CDH23: variants seen among roughly 807,000 people sequenced by gnomAD.
CDH23 encodes cadherin related 23.
CDH23 carries 189 observed loss-of-function variants against 317.1 expected under a neutral mutation model. The observed-to-expected ratio is 0.60, with a 90% CI of 0.53 to 0.67. CDH23 has a LOEUF of 0.67. Ranked by LOEUF, CDH23 falls within the 30% of genes least tolerant of loss-of-function variation. The probability of loss-of-function intolerance (pLI) is 0.00; values close to 1 mark genes in which losing one functional copy is unlikely to be tolerated. For synonymous variants in CDH23, 1,839 were observed against 1,876.8 expected (o/e 0.98, Z 0.52); for missense variants, 4,401 against 4,592.4 (o/e 0.96, Z 1.20).
chr10:71,639,271 A>G (rs1307502080), intron 11 of CDH23, among the ~76,000 whole-genome samples: 3 of 152,066 alleles, frequency 2.0e-5, no homozygotes, highest in African/African-American at 7.2e-5. Context: ...CCTTCCAACA[A>G]AATCGCCCCT....
At chr10:71,434,544 C>T (rs1849535293) in intron 1 of CDH23, among the ~76,000 whole-genome samples, 1 of 152,072 alleles carries the variant, frequency 6.6e-6, no homozygotes, top group Admixed American at 6.6e-5. Flanking sequence ...AGGGGTGATT[C>T]CTATGTGGGT....
intron 11 of CDH23, chr10:71,622,991 G>A: frequency 1.0e-6 from 1 of 981,970 alleles, no homozygotes; most frequent in Non-Finnish European, 1.2e-6. Flanking sequence ...GCAGGTTGGG[G>A]GTTAGTTATT....
intron 8 of CDH23, among the ~76,000 whole-genome samples, chr10:71,573,488 C>A (rs537391421): frequency 6.6e-6 from 1 of 152,338 alleles, no homozygotes; most frequent in Non-Finnish European, 1.5e-5. Flanking sequence ...CTCTGCTCTA[C>A]AGGTGATCCC....
chr10:71,570,984 T>C (rs1326912525), intron 8 of CDH23, 66 bp downstream of exon 8: 74 of 1,578,052 alleles, frequency 4.7e-5, no homozygotes, highest in Non-Finnish European at 6.2e-5. Flanking sequence ...GAGCTCCTGT[T>C]AGGGATGGGC....
chr10:71,716,502 C>T (rs1866249206), intron 28 of CDH23: 2 of 580,334 alleles, frequency 3.4e-6, no homozygotes, highest in Non-Finnish European at 6.0e-6. Flanking sequence ...GGTCCAGAGA[C>T]ATCACAAGTC....
intron 30 of CDH23, among the ~76,000 whole-genome samples, chr10:71,729,059 G>T (rs957282982): frequency 6.6e-5 from 10 of 151,976 alleles, no homozygotes; most frequent in Non-Finnish European, 1.0e-4. Flanking sequence ...GGTCTCGAAT[G>T]CCTGGGCTCA....
intron 11 of CDH23, among the ~76,000 whole-genome samples, chr10:71,641,398 C>T (rs955624188): frequency 2.0e-4 from 30 of 152,194 alleles, no homozygotes; most frequent in African/African-American, 7.2e-4. Flanking sequence ...CTGCAGAGCT[C>T]AGAGTGGCTC....
intron 21 of CDH23, 117 bp from the exon 22 acceptor site, chr10:71,695,301 G>A (rs1445661929): frequency 2.7e-6 from 2 of 754,600 alleles, no homozygotes; most frequent in East Asian, 5.3e-5. Context: ...GGTTGGTGGA[G>A]CTGGCAGAAT....
intron 20 of CDH23, 35 bp from the exon 21 acceptor site, chr10:71,694,111 CA>C: frequency 6.4e-7 from 1 of 1,564,434 alleles, no homozygotes; most frequent in Non-Finnish European, 8.8e-7. Context: ...CTGGCCCACC[CA>C]AACCCTCTCA....
intron 6 of CDH23, among the ~76,000 whole-genome samples, chr10:71,521,480 G>A (rs980341165): frequency 8.5e-5 from 13 of 152,174 alleles, no homozygotes; most frequent in Admixed American, 8.5e-4. Context: ...TGGTGTTCCT[G>A]TCATTCCTAT....
intron 2 of CDH23, among the ~76,000 whole-genome samples, chr10:71,443,458 C>G (rs1849997095): frequency 6.6e-6 from 1 of 152,256 alleles, no homozygotes; most frequent in Non-Finnish European, 1.5e-5. Context: ...AGCTGGAATG[C>G]TGTGCCCTCT....
At chr10:71,637,871 GT>G (rs1239824906) in intron 11 of CDH23, among the ~76,000 whole-genome samples, 1 of 150,500 alleles carries the variant, frequency 6.6e-6, no homozygotes, top group African/African-American at 2.5e-5. Flanking sequence ...GGTGGCCTTG[GT>G]CCTTGCTGTG....
At chr10:71,401,138 G>A (rs1308191307) in intron 1 of CDH23, among the ~76,000 whole-genome samples, 1 of 152,106 alleles carries the variant, frequency 6.6e-6, no homozygotes, top group Non-Finnish European at 1.5e-5. Context: ...GATCAGATTG[G>A]GTTCTTCTGT....
Position 71,702,605 on chromosome 10 carries a change from G to T in CDH23, c.2644G>T (p.Asp882Tyr). ...SSATVFVNLLDLNDNDPTFQN... is the reference protein window; with the variant it reads ...SSATVFVNLLYLNDNDPTFQN... ...TGCCACAGTGTTTGTGAACCTCTTG[G>T]ATCTCAATGACAATGACCCCACCTT... The change falls in exon 24 of 70, where the codon GAT becomes TAT. Residue 882 changes from aspartate (D) to tyrosine (Y), a missense_variant. This residue lies in a region of CDH23 where 3,068 missense variants were observed against 3,203.3 expected (regional missense o/e 0.96). Coordinates refer to ENST00000224721, the MANE Select transcript of CDH23 (RefSeq NM_022124.6). The T allele has an allele frequency of 1.2e-6, 2 of 1,613,984 alleles. No homozygotes were observed. Among genetic ancestry groups the T allele is most frequent in the Non-Finnish European group, 1.7e-6 (2 of 1,179,900 alleles).
At chr10:71,796,818 C>CAGT (rs1242731048) in intron 48 of CDH23, 1 of 317,716 alleles carries the variant, frequency 3.1e-6, no homozygotes, top group East Asian at 6.4e-5. Flanking sequence ...GATGGGTTGA[C>CAGT]AGTCGGTAGT....
chr10:71,600,071 C>T (rs1162695323), intron 9 of CDH23, among the ~76,000 whole-genome samples: 1 of 139,896 alleles, frequency 7.1e-6, no homozygotes, highest in Non-Finnish European at 1.5e-5. Context: ...GATGCGATCT[C>T]GGCTTACTGC....
At chr10:71,735,357 A>C (rs1839534513) in intron 34 of CDH23, among the ~76,000 whole-genome samples, 1 of 152,182 alleles carries the variant, frequency 6.6e-6, no homozygotes, top group Non-Finnish European at 1.5e-5. Context: ...CACTGAGGTC[A>C]GAAGAGCCAG....
chr10:71,679,497 G>A lies in CDH23; in HGVS notation c.1858+5G>A. ...GCCTGTACGAGGGCTATGGAGGTAG[G>A]TGTGGGGCAGAACTCGGGGCCCAGC... On this transcript the variant is annotated splice_donor_5th_base_variant and intron_variant, in intron 17 of 69. Coordinates refer to ENST00000224721, the MANE Select transcript of CDH23 (RefSeq NM_022124.6). 2 of 1,601,440 alleles carry A rather than the reference G, an allele frequency of 1.2e-6. No homozygotes were observed. Among genetic ancestry groups the A allele is most frequent in the South Asian group, 2.2e-5 (2 of 89,204 alleles).
At chr10:71,605,190 C>T (rs972722001) in intron 9 of CDH23, among the ~76,000 whole-genome samples, 4 of 151,522 alleles carry the variant, frequency 2.6e-5, no homozygotes, top group African/African-American at 4.9e-5. Context: ...ACTGTCACCA[C>T]TAGGAAGTTG....
Sources: allele counts gnomAD v4.1 joint callset (sites outside exome capture counted in the v4.1 genomes callset), GRCh38; gene constraint gnomAD v4.1.1; regional missense constraint gnomAD v4.1.1; transcripts MANE v1.5; gene names NCBI Gene and HGNC (gene_info 2026-07-23, HGNC 2026-07-21).